The following AKAP19 variants were observed in gnomAD, a reference collection of about 807,000 sequenced individuals.
The protein encoded by AKAP19 is A-kinase anchoring protein 19, also known as small A-kinase anchoring protein.
the AKAP19 span, among the ~76,000 whole-genome samples, chr2:189,943,034 G>A: frequency 6.6e-6 from 1 of 152,214 alleles, no homozygotes; most frequent in Admixed American, 6.5e-5. Flanking sequence ...TTCAGGAGAG[G>A]AATTCAAGCA....
chr2:190,190,859 C>T, the AKAP19 span, among the ~76,000 whole-genome samples: 16 of 152,142 alleles, frequency 1.1e-4, no homozygotes, highest in Non-Finnish European at 1.9e-4. Context: ...TTTGTTACAG[C>T]CACCACCACA....
the AKAP19 span, among the ~76,000 whole-genome samples, chr2:190,020,851 T>C: frequency 6.6e-6 from 1 of 152,244 alleles, no homozygotes. Flanking sequence ...ATTTGCATGT[T>C]ATTCATATGC....
the AKAP19 span, among the ~76,000 whole-genome samples, chr2:189,980,153 A>C: frequency 2.0e-5 from 3 of 152,306 alleles, no homozygotes; most frequent in Admixed American, 2.0e-4. Context: ...CAGTCATGGA[A>C]TCAACCTAAG....
chr2:189,917,514 T>C, the AKAP19 span: 4 of 614,950 alleles, frequency 6.5e-6, no homozygotes, highest in Admixed American at 2.6e-5. Context: ...TCTTCTGCTT[T>C]CTTTTTTCTT....
chr2:190,086,950 C>A, the AKAP19 span, among the ~76,000 whole-genome samples: 33 of 152,278 alleles, frequency 2.2e-4, no homozygotes, highest in South Asian at 6.2e-3. Context: ...TTCAAAGGAA[C>A]CCTTCTAGTG....
At chr2:189,891,430 A>G in the AKAP19 span, among the ~76,000 whole-genome samples, 2 of 147,960 alleles carry the variant, frequency 1.4e-5, no homozygotes, top group Non-Finnish European at 2.9e-5. Context: ...TCACCGTGTT[A>G]GTCAGGATGG....
the AKAP19 span, among the ~76,000 whole-genome samples, chr2:189,890,953 A>T: frequency 1.3e-5 from 2 of 152,200 alleles, no homozygotes; most frequent in Non-Finnish European, 2.9e-5. Context: ...TGATCCTGTC[A>T]TTATCATGCT....
chr2:190,043,312 C>CT, the AKAP19 span, among the ~76,000 whole-genome samples: 1 of 152,306 alleles, frequency 6.6e-6, no homozygotes, highest in East Asian at 1.9e-4. Context: ...CTTTCTCCCC[C>CT]TCCCTTTCTG....
At chr2:189,953,511 G>C in the AKAP19 span, among the ~76,000 whole-genome samples, 2 of 151,742 alleles carry the variant, frequency 1.3e-5, no homozygotes, top group Non-Finnish European at 2.9e-5. Flanking sequence ...GTGCATGCCT[G>C]TAATCCCAGC....
At chr2:190,007,990 A>C in the AKAP19 span, among the ~76,000 whole-genome samples, 2 of 152,204 alleles carry the variant, frequency 1.3e-5, no homozygotes, top group Admixed American at 1.3e-4. Flanking sequence ...GAAGGCTTAC[A>C]GCAATCCTTT....
chr2:189,883,802 G>A, the AKAP19 span, among the ~76,000 whole-genome samples: 2 of 151,986 alleles, frequency 1.3e-5, no homozygotes, highest in Non-Finnish European at 2.9e-5. Context: ...ATAGAGAGAA[G>A]ACATTCCTTG....
chr2:190,101,194 C>T, the AKAP19 span, among the ~76,000 whole-genome samples: 1 of 152,228 alleles, frequency 6.6e-6, no homozygotes, highest in South Asian at 2.1e-4. Context: ...GAAGTGCTTG[C>T]TCTGGAGTGA....
the AKAP19 span, among the ~76,000 whole-genome samples, chr2:189,933,405 G>A: frequency 1.3e-5 from 2 of 152,008 alleles, no homozygotes; most frequent in Non-Finnish European, 2.9e-5. Context: ...CCAAGGAAGG[G>A]CCCACCTTCC....
At chr2:189,933,821 A>G in the AKAP19 span, among the ~76,000 whole-genome samples, 1 of 152,030 alleles carries the variant, frequency 6.6e-6, no homozygotes, top group Admixed American at 6.6e-5. Context: ...TTAATATTTG[A>G]TATTATTTTG....
chr2:189,895,519 T>G, the AKAP19 span, among the ~76,000 whole-genome samples: 65 of 152,308 alleles, frequency 4.3e-4, 1 homozygote, highest in East Asian at 0.012. Context: ...GGCAATCTAT[T>G]AATATTTGTA....
At chr2:190,163,468 A>C in the AKAP19 span, among the ~76,000 whole-genome samples, 1 of 151,802 alleles carries the variant, frequency 6.6e-6, no homozygotes, top group Non-Finnish European at 1.5e-5. Flanking sequence ...AAAAAAAAAA[A>C]ACTGAGTCTT....
At chr2:190,134,512 T>C in the AKAP19 span, among the ~76,000 whole-genome samples, 2 of 152,116 alleles carry the variant, frequency 1.3e-5, no homozygotes, top group Admixed American at 6.5e-5. Flanking sequence ...AGTTTAATAC[T>C]TAATGTCATA....
chr2:190,169,142 C>T, the AKAP19 span, among the ~76,000 whole-genome samples: 28 of 152,268 alleles, frequency 1.8e-4, no homozygotes, highest in Non-Finnish European at 3.2e-4. Flanking sequence ...AGGTGAAAGG[C>T]ATATCTCACA....
chr2:189,993,142 T>C, the AKAP19 span, among the ~76,000 whole-genome samples: 1 of 152,270 alleles, frequency 6.6e-6, no homozygotes, highest in East Asian at 1.9e-4. Flanking sequence ...AGTATAATGT[T>C]GCCTGTGGGT....
Sources: allele counts gnomAD v4.1 joint callset (sites outside exome capture counted in the v4.1 genomes callset), GRCh38; gene constraint gnomAD v4.1.1; transcripts MANE v1.5; gene names NCBI Gene and HGNC (gene_info 2026-07-23, HGNC 2026-07-21).